Variants in COLQ observed in about 807,000 individuals in gnomAD.
The protein encoded by COLQ is collagen like tail subunit of asymmetric acetylcholinesterase.
COLQ carries 48 observed loss-of-function variants against 69.0 expected under a neutral mutation model. The observed-to-expected ratio is 0.70, with a 90% CI of 0.55 to 0.88. The LOEUF (loss-of-function observed/expected upper bound fraction) is 0.88. Ranked by LOEUF, COLQ falls within the 40% of genes least tolerant of loss-of-function variation. The probability of loss-of-function intolerance (pLI) is 0.00; values close to 1 mark genes in which losing one functional copy is unlikely to be tolerated. For missense variants in COLQ, 618 were observed against 594.6 expected (o/e 1.04, Z -0.41); for synonymous variants, 217 against 211.2 (o/e 1.03, Z -0.24).
chr3:15,473,947 G>A lies in COLQ; in HGVS notation c.636+53C>T, dbSNP rs1372068081. On this transcript the variant is annotated intron_variant, in intron 10 of 16. Coordinates refer to ENST00000383788, the MANE Select transcript of COLQ (RefSeq NM_005677.4). The surrounding 1 kb of genome is among the most constrained non-coding windows in gnomAD (Gnocchi z 4.0). ...GGCAGAGTTCTTTTTGTTGTGCTTG[G>A]AGGACCTGATATTTTTATTGAGGCC... The A allele has an allele frequency of 2.5e-6, 4 of 1,586,038 alleles. No homozygotes were observed. Among genetic ancestry groups the A allele is most frequent in the Non-Finnish European group, 2.6e-6 (3 of 1,155,180 alleles).
At chr3:15,479,088 G>T in intron 4 of COLQ, 85 bp from the exon 5 acceptor site, 2 of 1,541,836 alleles carry the variant, frequency 1.3e-6, no homozygotes, top group Non-Finnish European at 1.8e-6. Flanking sequence ...TGATGACTGG[G>T]CATGGCCATG....
At chr3:15,475,780 G>A (rs2062370092) in intron 6 of COLQ, among the ~76,000 whole-genome samples, 1 of 152,182 alleles carries the variant, frequency 6.6e-6, no homozygotes, top group Non-Finnish European at 1.5e-5. Flanking sequence ...TTCCTAGCGA[G>A]GATAGTGAGA....
chr3:15,489,677 T>C, intron 1 of COLQ, 40 bp from the exon 2 acceptor site: 1 of 1,583,398 alleles, frequency 6.3e-7, no homozygotes, highest in Non-Finnish European at 8.7e-7. Context: ...ATGTGGTCAG[T>C]GCTGGGCCTC....
chr3:15,499,338 C>T (rs2062799890), intron 1 of COLQ, among the ~76,000 whole-genome samples: 1 of 152,210 alleles, frequency 6.6e-6, no homozygotes, highest in African/African-American at 2.4e-5. Context: ...TATTATTATA[C>T]TACTTAGCAA....
chr3:15,518,732 T>C (rs976477066), intron 1 of COLQ, among the ~76,000 whole-genome samples: 9 of 152,308 alleles, frequency 5.9e-5, no homozygotes, highest in African/African-American at 1.9e-4. Context: ...TCACAACCCC[T>C]TTCCGGGGCA....
intron 12 of COLQ, among the ~76,000 whole-genome samples, chr3:15,465,920 T>C (rs906638976): frequency 2.0e-5 from 3 of 152,148 alleles, no homozygotes; most frequent in Admixed American, 6.5e-5. Flanking sequence ...TCTCTAGCTA[T>C]TGCAAACAAA....
chr3:15,505,718 A>C (rs966270690), intron 1 of COLQ, among the ~76,000 whole-genome samples: 2 of 152,186 alleles, frequency 1.3e-5, no homozygotes, highest in African/African-American at 4.8e-5. Flanking sequence ...TATTCGGGAG[A>C]TCTGGCCATA....
At chr3:15,515,680 C>T (rs1458651515) in intron 1 of COLQ, among the ~76,000 whole-genome samples, 1 of 152,080 alleles carries the variant, frequency 6.6e-6, no homozygotes, top group Non-Finnish European at 1.5e-5. Flanking sequence ...GTGGTGGGAG[C>T]CTGTAATCCC....
At chr3:15,494,132 G>T (rs905513489) in intron 1 of COLQ, among the ~76,000 whole-genome samples, 1 of 152,204 alleles carries the variant, frequency 6.6e-6, no homozygotes, top group Non-Finnish European at 1.5e-5. Flanking sequence ...TTTGGGGCTA[G>T]ATTGTGCTGT....
Position 15,473,890 on chromosome 3 carries a change from T to G in COLQ, c.636+110A>C. On this transcript the variant is annotated intron_variant, in intron 10 of 16. Coordinates refer to ENST00000383788, the MANE Select transcript of COLQ (RefSeq NM_005677.4). The surrounding 1 kb of genome is among the most constrained non-coding windows in gnomAD (Gnocchi z 4.0). ...GTCCCAAAATAGAAGTTTCCATGGT[T>G]AAACCCACCATCCCTGCCTGATAGA... 1 of 1,255,376 alleles carries G rather than the reference T, an allele frequency of 8.0e-7. No individual in the cohort carries two copies. Among genetic ancestry groups the G allele is most frequent in the East Asian group, 2.4e-5 (1 of 40,822 alleles). 77.8% of individuals were successfully genotyped at this position (1,255,376 alleles called of 1,614,324 possible). A position where few individuals can be genotyped will look rare whatever the true frequency, so the allele number is the denominator to read the frequency against.
intron 13 of COLQ, 25 bp downstream of exon 13, chr3:15,458,161 C>A (rs1453303025): frequency 6.2e-7 from 1 of 1,612,548 alleles, no homozygotes; most frequent in East Asian, 2.2e-5. Flanking sequence ...GATAACCACC[C>A]CAGACTTCTC....
At chr3:15,500,050 T>C (rs2062810641) in intron 1 of COLQ, among the ~76,000 whole-genome samples, 1 of 152,192 alleles carries the variant, frequency 6.6e-6, no homozygotes, top group African/African-American at 2.4e-5. Context: ...AAGGGATTTA[T>C]AGAAGGAAGA....
At position 15,521,513 on chromosome 3, in the gene COLQ, C is replaced by G. The variant is rs766993036; in HGVS notation, c.106+7G>C. On this transcript the variant is annotated splice_region_variant and intron_variant, in intron 1 of 16. Coordinates refer to ENST00000383788, the MANE Select transcript of COLQ (RefSeq NM_005677.4). ...TGGAAGAGAGGAAAGTTGTGGCCAT[C>G]ATTTACCTGCTGAGATTGGAAGAAC... The G allele has an allele frequency of 8.1e-6, 13 of 1,614,032 alleles. No individual in the cohort carries two copies. The highest frequency in any genetic ancestry group is 1.3e-5 in the African/African-American group (1 of 74,934).
chr3:15,478,270 G>A (rs143429334), intron 5 of COLQ, among the ~76,000 whole-genome samples: 132 of 152,256 alleles, frequency 8.7e-4, no homozygotes, highest in African/African-American at 3.1e-3. Context: ...ACTTTGTCTT[G>A]CAAAAGTCTG....
rs960372569 is a variant in COLQ, at chr3:15,488,080, G to A, written c.321+126C>T. ...TATCCAAGTGGCTTTGGAGCAGGAA[G>A]TAAGCGAGAGAAGGAAAAACAGCTT... On this transcript the variant is annotated intron_variant, in intron 3 of 16. Coordinates refer to ENST00000383788, the MANE Select transcript of COLQ (RefSeq NM_005677.4). 4.2e-6 allele frequency: 3 copies of A among 713,090 alleles called. No homozygotes were observed. The African/African-American group carries it at 5.3e-5, about 13-fold the overall frequency. 44.2% of individuals were successfully genotyped at this position (713,090 alleles called of 1,614,324 possible).
At chr3:15,513,783 G>T (rs545474963) in intron 1 of COLQ, among the ~76,000 whole-genome samples, 3 of 152,264 alleles carry the variant, frequency 2.0e-5, no homozygotes, top group African/African-American at 7.2e-5. Flanking sequence ...TTACCTAGTG[G>T]AAAAACTAGG....
chr3:15,519,570 T>C (rs1017687903), intron 1 of COLQ, among the ~76,000 whole-genome samples: 1 of 152,190 alleles, frequency 6.6e-6, no homozygotes, highest in African/African-American at 2.4e-5. Context: ...AATCTCTAGG[T>C]GCCTCAGCAT....
intron 11 of COLQ, among the ~76,000 whole-genome samples, chr3:15,467,304 A>T (rs1002518143): frequency 6.6e-6 from 1 of 152,196 alleles, no homozygotes; most frequent in African/African-American, 2.4e-5. Flanking sequence ...ATTGCTTTGT[A>T]CCTCAGTTTT....
Position 15,466,448 on chromosome 3 carries a change from G to A in COLQ, c.718-11C>T. ...ATCCCCTTTCTGTCCCTGACAGAGA[G>A]AAAGGCAGAGCCTGTTATGAAAGCA... On this transcript the variant is annotated splice_polypyrimidine_tract_variant and intron_variant, in intron 11 of 16. Coordinates refer to ENST00000383788, the MANE Select transcript of COLQ (RefSeq NM_005677.4). 1 of 1,608,386 alleles carries A rather than the reference G, an allele frequency of 6.2e-7. No homozygotes were observed. Among genetic ancestry groups the A allele is most frequent in the Admixed American group, 1.7e-5 (1 of 60,016 alleles).
Sources: gnomAD v4.1 joint callset for allele counts (sites outside exome capture counted in the v4.1 genomes callset) on GRCh38, gnomAD v4.1.1 for gene constraint, Gnocchi (gnomAD v3.1) non-coding constraint, MANE v1.5 for transcripts, NCBI Gene and HGNC (gene_info 2026-07-23, HGNC 2026-07-21) for gene names.